Variants in ANKAR observed in about 807,000 individuals in gnomAD.
ANKAR encodes the protein ankyrin and armadillo repeat-containing protein.
In ANKAR, 136 loss-of-function variants were observed where a neutral mutation model predicts 146.2. That is an observed-to-expected ratio of 0.93 (90% CI 0.81 to 1.07). The LOEUF (loss-of-function observed/expected upper bound fraction) is 1.07. ANKAR is among the 50% of genes least tolerant of loss of function. ANKAR has a pLI of 0.00. For missense variants in ANKAR, 1,567 were observed against 1,679.9 expected, an observed-to-expected ratio of 0.93 and a Z score of 1.18; for synonymous variants, 500 against 575.8, an observed-to-expected ratio of 0.87 and a Z score of 1.88.
intron 9 of ANKAR, among the ~76,000 whole-genome samples, chr2:189,709,203 ACAT>A (rs2039368570): frequency 6.6e-6 from 1 of 152,256 alleles, no homozygotes; most frequent in African/African-American, 2.4e-5. Context: ...AATTGTATAG[ACAT>A]CATCATGTAT....
At chr2:189,761,087 A>G (rs956434325) in intron 18 of ANKAR, 1 of 119,146 alleles carries the variant, frequency 8.4e-6, no homozygotes, top group African/African-American at 2.5e-5. Context: ...TTTTTTTTCA[A>G]TGACTAACAG....
At position 189,689,558 on chromosome 2, in the gene ANKAR, T is replaced by C. The variant is rs531150391; in HGVS notation, c.633T>C (p.Phe211=). The C allele has an allele frequency of 2.1e-5, 34 of 1,601,796 alleles. No homozygotes were observed. The African/African-American group carries it at 4.6e-4, about 22-fold the overall frequency. The change falls in exon 3 of 23, where the codon TTT becomes TTC. Residue 211 remains phenylalanine, a synonymous_variant. Coordinates refer to ENST00000684021, the MANE Select transcript of ANKAR (RefSeq NM_001378068.1). ...GLTDITKDPD[F]NEIYDEDVNE... ...CTGATATTACAAAGGATCCAGACTT[T>C]AATGAAATCTATGATGAAGACGTGA...
Position 189,711,090 on chromosome 2 carries a change from G to C in ANKAR, c.2161G>C (p.Val721Leu). ...AAGCTATAAACGAAGGATGATGGCC[G>C]TCATGTCCTTGGAAGTAATTTGCTT... ...CESYKRRMMA[V>L]MSLEVICLAN... Residue 721 changes from valine (V) to leucine (L), a missense_variant, in exon 10 of 23, where the codon GTC becomes CTC. Transcript: ENST00000684021. 1.2e-6 allele frequency: 2 copies of C among 1,613,988 alleles called. No homozygotes were observed. The highest frequency in any genetic ancestry group is 1.7e-6 in the Non-Finnish European group (2 of 1,179,916).
intron 18 of ANKAR, 31 bp from the exon 19 acceptor site, chr2:189,738,526 AAAATGTTC>A (rs2043053297): frequency 7.8e-7 from 1 of 1,278,006 alleles, no homozygotes; most frequent in African/African-American, 1.5e-5. Context: ...AGCTGAGTAG[AAAATGTTC>A]AAAGACTCTC....
intron 2 of ANKAR, among the ~76,000 whole-genome samples, chr2:189,682,921 G>A (rs1468978911): frequency 6.6e-6 from 1 of 152,180 alleles, no homozygotes. Flanking sequence ...TGGTCTGAAT[G>A]TTTATGTCTC....
In ANKAR at chr2:189,684,442, T is replaced by C. The variant is rs375153834; in HGVS notation, c.602-5085T>C. 1.1e-3 allele frequency among the ~76,000 whole-genome samples: 170 copies of C among 152,328 alleles called. 1 individual carries two copies. In the Middle Eastern group the frequency reaches 0.031, roughly 27 times the overall value. ...TCCTTATTAGACATTAAGCTCATTCTTGAGAGCACAGAAAATTGTGTCTTT... is the reference window on the plus strand; with the variant it reads ...TCCTTATTAGACATTAAGCTCATTCCTGAGAGCACAGAAAATTGTGTCTTT... On this transcript the variant is annotated intron_variant, in intron 2 of 22. Transcript: ENST00000684021.
intron 4 of ANKAR, 86 bp from the exon 5 acceptor site, chr2:189,692,988 C>T: frequency 2.9e-6 from 2 of 679,294 alleles, no homozygotes; most frequent in South Asian, 2.5e-5. Context: ...TTGTCATTTA[C>T]ATGTATACTC....
At chr2:189,701,618 A>G (rs901288328) in intron 7 of ANKAR, among the ~76,000 whole-genome samples, 2 of 152,166 alleles carry the variant, frequency 1.3e-5, no homozygotes, top group African/African-American at 4.8e-5. Flanking sequence ...CATTAATGGC[A>G]TTCTTCATTT....
chr2:189,762,744 T>G, downstream of ANKAR: 1 of 985,512 alleles, frequency 1.0e-6, no homozygotes, highest in Non-Finnish European at 1.2e-6. Flanking sequence ...GACTGTCGAC[T>G]GCCCTTATCG....
At chr2:189,708,045 C>T (rs973193314) in intron 9 of ANKAR, among the ~76,000 whole-genome samples, 9 of 152,080 alleles carry the variant, frequency 5.9e-5, no homozygotes, top group African/African-American at 1.4e-4. Context: ...GAGAGGGACC[C>T]GGGAAACTGG....
intron 14 of ANKAR, 68 bp downstream of exon 14, chr2:189,728,488 T>C (rs2042095416): frequency 1.3e-6 from 2 of 1,508,240 alleles, no homozygotes; most frequent in South Asian, 2.7e-5. Context: ...CCCAGCCTGG[T>C]GTGCAGTGGC....
Position 189,755,554 on chromosome 2 carries a change from AC to A in ANKAR, c.*585-5542del, listed in dbSNP as rs2045950207. 2.5e-6 allele frequency: 4 copies of A among 1,584,924 alleles called. No homozygotes were observed. In the African/African-American group the frequency reaches 4.1e-5, roughly 16 times the overall value. On this transcript the variant is annotated intron_variant and NMD_transcript_variant, in intron 18 of 18. Coordinates refer to the ANKAR transcript ENST00000441800. Reference sequence around the variant, plus strand: ...GTTGAGCTGCTGGAGGAACAATCCCACCTGTTCTGAAAGAAAGAAAGACAGC... The same window carrying A: ...GTTGAGCTGCTGGAGGAACAATCCCACTGTTCTGAAAGAAAGAAAGACAGC...
chr2:189,693,314 C>A, intron 5 of ANKAR, 137 bp downstream of exon 5: 1 of 601,006 alleles, frequency 1.7e-6, no homozygotes, highest in Non-Finnish European at 3.0e-6. Flanking sequence ...CCATGAATGA[C>A]TTATGGACTC....
intron 2 of ANKAR, among the ~76,000 whole-genome samples, chr2:189,683,780 A>G (rs1029424129): frequency 3.9e-5 from 6 of 152,348 alleles, no homozygotes; most frequent in Middle Eastern, 3.4e-3. Flanking sequence ...ACACCTTGCA[A>G]CTGACCATGT....
chr2:189,675,810 G>A (rs1007165827), intron 1 of ANKAR, among the ~76,000 whole-genome samples: 2 of 152,158 alleles, frequency 1.3e-5, no homozygotes, highest in African/African-American at 4.8e-5. Context: ...GGATTATGGG[G>A]GTGGATCCCT....
chr2:189,715,414 C>T (rs554427221), intron 10 of ANKAR, among the ~76,000 whole-genome samples: 1 of 152,278 alleles, frequency 6.6e-6, no homozygotes, highest in South Asian at 2.1e-4. Context: ...CTGAATAGAC[C>T]ATTAACAGGC....
At chr2:189,745,762 A>C (rs1350950234) in intron 22 of ANKAR, among the ~76,000 whole-genome samples, 1 of 152,234 alleles carries the variant, frequency 6.6e-6, no homozygotes, top group Non-Finnish European at 1.5e-5. Flanking sequence ...ATTTAAAAAG[A>C]CAGTAAAAGG....
rs890444978 is a variant in ANKAR at position 189,728,506 on chromosome 2, T to C, written c.3031+86T>C. The C allele has an allele frequency of 7.4e-6, 11 of 1,477,176 alleles. No homozygotes were observed. The Admixed American group carries it at 1.7e-4, about 23-fold the overall frequency. The allele number at this position is 1,477,176 out of a possible 1,614,324, so 91.5% of individuals were successfully genotyped here. A position where few individuals can be genotyped will look rare whatever the true frequency, so the allele number is the denominator to read the frequency against. ...AGCCTGGTGTGCAGTGGCACAATTATAGCTCACTGCAGCCTCAAACCCCTG... is the reference window on the plus strand; with the variant it reads ...AGCCTGGTGTGCAGTGGCACAATTACAGCTCACTGCAGCCTCAAACCCCTG... On this transcript the variant is annotated intron_variant, in intron 14 of 22. Transcript: ENST00000684021.
chr2:189,729,695 C>CGTGTGTGTGTGT (rs139823318), intron 15 of ANKAR, among the ~76,000 whole-genome samples: 26,191 of 94,182 alleles, frequency 0.28, 2,804 homozygotes, highest in Middle Eastern at 0.34. Flanking sequence ...ATCAGCTGTG[C>CGTGTGTGTGTGT]GTGTGTGTGT....
Sources: allele counts gnomAD v4.1 joint callset (sites outside exome capture counted in the v4.1 genomes callset), GRCh38; gene constraint gnomAD v4.1.1; transcripts MANE v1.5; gene names NCBI Gene and HGNC (gene_info 2026-07-23, HGNC 2026-07-21).